Variants in CPEB2 observed in about 807,000 individuals in gnomAD.
CPEB2 encodes the protein cytoplasmic polyadenylation element-binding protein 2.
A neutral mutation model predicts 93.6 loss-of-function variants in CPEB2; 56 were observed. The observed-to-expected ratio is 0.60, with a 90% CI of 0.48 to 0.75. The LOEUF is 0.75. Ranked by LOEUF, CPEB2 falls within the 30% of genes least tolerant of loss-of-function variation. The pLI is 0.00. For synonymous variants in CPEB2, 764 were observed against 586.3 expected, an observed-to-expected ratio of 1.30 and a Z score of -4.38; for missense variants, 1,579 against 1,395.1, an observed-to-expected ratio of 1.13 and a Z score of -2.10.
chr4:15,003,656 T>A lies in CPEB2; in HGVS notation c.983T>A (p.Leu328His), dbSNP rs1722328204. Residue 328 changes from leucine to histidine, a missense_variant, in exon 1 of 12, where the codon CTC becomes CAC. Leu to His is a moderately conservative substitution (Grantham distance 99). Around this residue, in one of 2 missense-constraint regions of CPEB2, gnomAD observed 1,411 missense variants for 1,056.0 expected, o/e 1.34. Coordinates refer to ENST00000538197, the MANE Select transcript of CPEB2 (RefSeq NM_001177382.2). ...CCTCTGCTCAACAGTCCCAGTAACCTCCTGCCCGGAGGTGCGCTTGGCGCG... is the reference window on the plus strand; with the variant it reads ...CCTCTGCTCAACAGTCCCAGTAACCACCTGCCCGGAGGTGCGCTTGGCGCG... ...NHPLLNSPSNLLPGGALGAGA... is the reference protein window; with the variant it reads ...NHPLLNSPSNHLPGGALGAGA... The A allele has an allele frequency of 2.0e-6, 3 of 1,472,788 alleles. No individual in the cohort carries two copies. The highest frequency in any genetic ancestry group is 2.7e-6 in the Non-Finnish European group (3 of 1,115,484). 91.2% of individuals were successfully genotyped at this position (1,472,788 alleles called of 1,614,324 possible).
At chr4:15,055,922 CAG>C (rs1728675192) in intron 8 of CPEB2, among the ~76,000 whole-genome samples, 1 of 152,122 alleles carries the variant, frequency 6.6e-6, no homozygotes, top group South Asian at 2.1e-4. Flanking sequence ...AAGTTGATCA[CAG>C]AAAACATTGA....
intron 10 of CPEB2, among the ~76,000 whole-genome samples, 166 bp from the exon 11 acceptor site, chr4:15,061,913 A>G (rs1197219168): frequency 1.3e-5 from 2 of 150,594 alleles, no homozygotes; most frequent in African/African-American, 4.9e-5. Flanking sequence ...GTTTAAAAAA[A>G]GCATCCTCGA....
Position 15,066,141 on chromosome 4 carries a change from T to G in CPEB2, c.2878-12T>G, listed in dbSNP as rs758473549. On this transcript the variant is annotated splice_polypyrimidine_tract_variant and intron_variant, in intron 11 of 11. Coordinates refer to ENST00000538197, the MANE Select transcript of CPEB2 (RefSeq NM_001177382.2). ...CAGACCCTAATGAGACTTAACTTTC[T>G]TTTTTTTCAAGGTGGAGGTAAAGCC... 1 of 1,600,684 alleles carries G rather than the reference T, an allele frequency of 6.2e-7. No homozygotes were observed. Among genetic ancestry groups the G allele is most frequent in the Admixed American group, 1.7e-5 (1 of 59,788 alleles).
At chr4:15,022,124 T>A (rs1480337303) in intron 4 of CPEB2, among the ~76,000 whole-genome samples, 3 of 152,168 alleles carry the variant, frequency 2.0e-5, no homozygotes, top group African/African-American at 7.2e-5. Flanking sequence ...TGAGACTGTG[T>A]CAACCATGTG....
At chr4:15,011,092 A>ATT (rs1193040275) in intron 3 of CPEB2, among the ~76,000 whole-genome samples, 2 of 147,196 alleles carry the variant, frequency 1.4e-5, no homozygotes, top group Non-Finnish European at 3.0e-5. Context: ...ATCTCTATGA[A>ATT]TTTCTTTTCT....
At chr4:15,031,730 G>A (rs1455642270) in intron 4 of CPEB2, among the ~76,000 whole-genome samples, 2 of 152,112 alleles carry the variant, frequency 1.3e-5, no homozygotes, top group South Asian at 4.1e-4. Context: ...GTATGTACAG[G>A]AAACATGTTT....
At chr4:15,020,438 G>C (rs1188722841) in intron 4 of CPEB2, among the ~76,000 whole-genome samples, 1 of 152,094 alleles carries the variant, frequency 6.6e-6, no homozygotes, top group Admixed American at 6.6e-5. Flanking sequence ...ATGCTAAGTG[G>C]CAGGTTCCTG....
At chr4:15,006,487 G>C (rs990515061) in intron 1 of CPEB2, 1 of 150,870 alleles carries the variant, frequency 6.6e-6, no homozygotes, top group Non-Finnish European at 1.5e-5. Flanking sequence ...TTGATGATTT[G>C]ACTTGTCTTG....
At chr4:15,044,411 C>T (rs1017441187) in intron 6 of CPEB2, among the ~76,000 whole-genome samples, 2 of 152,108 alleles carry the variant, frequency 1.3e-5, no homozygotes, top group African/African-American at 4.8e-5. Flanking sequence ...AGTGTCTGCT[C>T]TACACCTATA....
At chr4:15,021,100 G>GT (rs1181464796) in intron 4 of CPEB2, among the ~76,000 whole-genome samples, 2 of 152,288 alleles carry the variant, frequency 1.3e-5, no homozygotes, top group African/African-American at 2.4e-5. Flanking sequence ...CCGACTGGGT[G>GT]TAACAGGGCA....
Position 15,014,671 on chromosome 4 carries a change from T to C in CPEB2, c.2035-2517T>C, listed in dbSNP as rs538026104. ...CTTTCTCCTTACAGAACTCGACTTT[T>C]TTTTTACATTTTTTATTGAGTTTTT... On this transcript the variant is annotated intron_variant, in intron 3 of 11. Coordinates refer to ENST00000538197, the MANE Select transcript of CPEB2 (RefSeq NM_001177382.2). Among the ~76,000 whole-genome samples, 19 of 152,200 alleles carry C rather than the reference T, an allele frequency of 1.2e-4. No homozygotes were observed. In the South Asian group the frequency reaches 3.9e-3, roughly 32 times the overall value.
At chr4:15,044,925 T>C (rs926952423) in intron 6 of CPEB2, among the ~76,000 whole-genome samples, 1 of 152,190 alleles carries the variant, frequency 6.6e-6, no homozygotes, top group Non-Finnish European at 1.5e-5. Flanking sequence ...CTATAATCTT[T>C]ATTATAACTA....
At chr4:15,055,255 C>A (rs1250615790) in intron 8 of CPEB2, among the ~76,000 whole-genome samples, 1 of 152,026 alleles carries the variant, frequency 6.6e-6, no homozygotes, top group Admixed American at 6.6e-5. Flanking sequence ...TCAAGAGCAT[C>A]TTTTGAGTAG....
intron 6 of CPEB2, among the ~76,000 whole-genome samples, chr4:15,046,632 A>G (rs1046890514): frequency 6.6e-6 from 1 of 152,118 alleles, no homozygotes; most frequent in Non-Finnish European, 1.5e-5. Flanking sequence ...GCACCTTTTC[A>G]TGTGCTTCTA....
At chr4:15,007,899 C>G (rs753299829) in intron 2 of CPEB2, among the ~76,000 whole-genome samples, 1 of 152,028 alleles carries the variant, frequency 6.6e-6, no homozygotes, top group Non-Finnish European at 1.5e-5. Context: ...TCTAATGGGC[C>G]ACCAAAATTT....
chr4:15,061,111 G>T (rs940696887), intron 10 of CPEB2, among the ~76,000 whole-genome samples: 1 of 152,140 alleles, frequency 6.6e-6, no homozygotes, highest in African/African-American at 2.4e-5. Flanking sequence ...TGTGGCCAGT[G>T]CCTGTTAAAT....
At chr4:15,055,329 C>A (rs1162517256) in intron 8 of CPEB2, among the ~76,000 whole-genome samples, 2 of 152,106 alleles carry the variant, frequency 1.3e-5, no homozygotes, top group African/African-American at 4.8e-5. Context: ...TCCATGTAGT[C>A]TGGAGTTCAT....
In CPEB2 at chr4:15,063,334, T is replaced by TTG. The variant is rs200460402; in HGVS notation, c.2877+1075_2877+1076insGT. ...AGTTCACAAATGCAGAGTAGGTTTT[T>TTG]TTTGTTTGTTTGCATTGCTACTTAA... On this transcript the variant is annotated intron_variant, in intron 11 of 11. Transcript: ENST00000538197. Among the ~76,000 whole-genome samples, 792 of 151,356 alleles carry TTG rather than the reference T, an allele frequency of 5.2e-3. 12 individuals are homozygous for TTG. The highest frequency in any genetic ancestry group is 0.018 in the African/African-American group (746 of 40,884).
chr4:15,055,914 G>A (rs938299842), intron 8 of CPEB2, among the ~76,000 whole-genome samples: 1 of 152,076 alleles, frequency 6.6e-6, no homozygotes, highest in Non-Finnish European at 1.5e-5. Context: ...TTAAGTGTAA[G>A]TTGATCACAG....
Sources: gnomAD v4.1 joint callset for allele counts (sites outside exome capture counted in the v4.1 genomes callset) on GRCh38, gnomAD v4.1.1 for gene constraint, gnomAD v4.1.1 regional missense constraint, MANE v1.5 for transcripts, NCBI Gene and HGNC (gene_info 2026-07-23, HGNC 2026-07-21) for gene names.